Variants in HTR2C observed in about 807,000 individuals in gnomAD.
HTR2C encodes 5-hydroxytryptamine receptor 2C, also known as 5-hydroxytryptamine (serotonin) receptor 2C, G protein-coupled.
A neutral mutation model predicts 21.0 loss-of-function variants in HTR2C; 5 were observed. The ratio of observed to expected loss-of-function variants is 0.24; its 90% CI spans 0.12 to 0.50. The LOEUF (loss-of-function observed/expected upper bound fraction) is 0.50, where lower values mean the gene tolerates loss of function less well. HTR2C is among the 20% of genes least tolerant of loss of function. The pLI, the probability that HTR2C is intolerant of heterozygous loss-of-function variation, is 0.98. For missense variants in HTR2C, 271 were observed against 371.2 expected (o/e 0.73, Z 2.22); for synonymous variants, 150 against 145.3 (o/e 1.03, Z -0.23).
intron 2 of HTR2C, among the ~76,000 whole-genome samples, chrX:114,636,375 A>G (rs1556405230): frequency 9.0e-6 from 1 of 111,683 alleles, no homozygotes; most frequent in Non-Finnish European, 1.9e-5. Context: ...ATCACTTTTG[A>G]TAATACACAC....
chrX:114,852,785 G>GTCCTT (rs2070929255), intron 5 of HTR2C, among the ~76,000 whole-genome samples: 2 of 109,750 alleles, frequency 1.8e-5, no homozygotes, highest in Non-Finnish European at 3.8e-5. Flanking sequence ...GTGTGTGTGT[G>GTCCTT]TGTGTGTCCT....
At chrX:114,772,803 T>G (rs2070018791) in intron 4 of HTR2C, among the ~76,000 whole-genome samples, 2 of 111,390 alleles carry the variant, frequency 1.8e-5, no homozygotes, top group Admixed American at 1.9e-4. Flanking sequence ...TAATGTAACT[T>G]GGATTTACTT....
intron 4 of HTR2C, among the ~76,000 whole-genome samples, chrX:114,792,616 A>G (rs1365395613): frequency 7.1e-5 from 8 of 111,911 alleles, no homozygotes; most frequent in African/African-American, 1.3e-4. Flanking sequence ...AATGATTTAT[A>G]TTCCCTTGGG....
At chrX:114,784,026 G>A (rs2070146525) in intron 4 of HTR2C, among the ~76,000 whole-genome samples, 1 of 109,317 alleles carries the variant, frequency 9.1e-6, no homozygotes, top group African/African-American at 3.3e-5. Flanking sequence ...ATTAGGAATT[G>A]CAGACTAAAT....
At chrX:114,681,762 G>A (rs1424213120) in intron 2 of HTR2C, among the ~76,000 whole-genome samples, 2 of 111,290 alleles carry the variant, frequency 1.8e-5, no homozygotes, top group African/African-American at 6.5e-5. Flanking sequence ...GTGAACTTAT[G>A]CTGAAAAAGA....
At chrX:114,671,385 A>T (rs2147848812) in intron 2 of HTR2C, among the ~76,000 whole-genome samples, 1 of 112,327 alleles carries the variant, frequency 8.9e-6, no homozygotes, top group South Asian at 3.7e-4. Context: ...TCTCCAGATT[A>T]CGTGAAAATT....
chrX:114,738,572 G>C lies in HTR2C; in HGVS notation c.349+6965G>C, dbSNP rs370070895. ...AAACACCACATGTTCTCACTCATAA[G>C]TGGGAGTTGAACAATGAGAACACAT... On this transcript the variant is annotated intron_variant, in intron 4 of 5. Coordinates refer to ENST00000276198, the MANE Select transcript of HTR2C (RefSeq NM_000868.4). Among the ~76,000 whole-genome samples, 63 of 109,640 alleles carry C rather than the reference G, an allele frequency of 5.7e-4. No individual in the cohort carries two copies. The East Asian group carries it at 0.012, about 21-fold the overall frequency.
chrX:114,665,948 G>A (rs782512503), intron 2 of HTR2C, among the ~76,000 whole-genome samples: 1 of 111,698 alleles, frequency 9.0e-6, no homozygotes, highest in Non-Finnish European at 1.9e-5. Flanking sequence ...TTTTTCGCAG[G>A]TATACCCTTG....
chrX:114,662,664 C>A (rs1931033044), intron 2 of HTR2C, among the ~76,000 whole-genome samples: 1 of 111,584 alleles, frequency 9.0e-6, no homozygotes, highest in South Asian at 3.7e-4. Context: ...TTAAAGGGAC[C>A]AATAACTTCT....
intron 2 of HTR2C, among the ~76,000 whole-genome samples, chrX:114,679,601 C>T (rs1375188302): frequency 9.0e-6 from 1 of 111,265 alleles, no homozygotes; most frequent in Non-Finnish European, 1.9e-5. Flanking sequence ...TTTTTAAAAG[C>T]GAAGATGACC....
intron 4 of HTR2C, among the ~76,000 whole-genome samples, chrX:114,800,491 G>A (rs868914829): frequency 9.0e-6 from 1 of 111,004 alleles, no homozygotes; most frequent in Non-Finnish European, 1.9e-5. Flanking sequence ...GAAGTAACTC[G>A]TGGCATCAGA....
intron 2 of HTR2C, among the ~76,000 whole-genome samples, chrX:114,698,106 G>A (rs1411173820): frequency 1.8e-5 from 2 of 112,146 alleles, no homozygotes; most frequent in Non-Finnish European, 3.8e-5. Flanking sequence ...TTCTTCTAAC[G>A]AGGCCCTTTC....
At chrX:114,657,721 T>C (rs1391530847) in intron 2 of HTR2C, among the ~76,000 whole-genome samples, 1 of 111,575 alleles carries the variant, frequency 9.0e-6, no homozygotes, top group Non-Finnish European at 1.9e-5. Flanking sequence ...TTTATTATGC[T>C]TTAAGTTTTA....
chrX:114,717,948 T>G (rs1306172111), intron 2 of HTR2C, among the ~76,000 whole-genome samples: 2 of 111,874 alleles, frequency 1.8e-5, no homozygotes, highest in Non-Finnish European at 3.8e-5. Flanking sequence ...AAATTTGCCT[T>G]TAGTATTAAT....
chrX:114,856,706 A>C lies in HTR2C; in HGVS notation c.550+8503A>C, dbSNP rs940060290. 2.7e-5 allele frequency among the ~76,000 whole-genome samples: 3 copies of C among 111,405 alleles called. No individual in the cohort carries two copies. The Admixed American group carries it at 2.9e-4, about 11-fold the overall frequency. On this transcript the variant is annotated intron_variant, in intron 5 of 5. Coordinates refer to ENST00000276198, the MANE Select transcript of HTR2C (RefSeq NM_000868.4). Reference sequence around the variant, plus strand: ...GGTTGTTAAGAAGATGTGTACCCACATGTTGAGATTTAATAAAATTAATAT... The same window carrying C: ...GGTTGTTAAGAAGATGTGTACCCACCTGTTGAGATTTAATAAAATTAATAT...
chrX:114,836,761 A>G (rs1442490239), intron 4 of HTR2C, among the ~76,000 whole-genome samples: 3 of 112,133 alleles, frequency 2.7e-5, no homozygotes, highest in African/African-American at 9.8e-5. Context: ...ATGTCATTTT[A>G]TCATTGTATG....
intron 4 of HTR2C, among the ~76,000 whole-genome samples, chrX:114,760,292 G>A (rs1264060527): frequency 9.0e-6 from 1 of 111,087 alleles, no homozygotes; most frequent in Non-Finnish European, 1.9e-5. Flanking sequence ...AGTTTCTATA[G>A]CCTTCTTTTT....
intron 4 of HTR2C, among the ~76,000 whole-genome samples, chrX:114,811,903 T>A (rs1730046222): frequency 8.9e-6 from 1 of 112,025 alleles, no homozygotes; most frequent in Admixed American, 9.5e-5. Context: ...ACGTTTTTCC[T>A]ACTGTGCTAT....
chrX:114,763,801 C>T (rs1022684541), intron 4 of HTR2C, among the ~76,000 whole-genome samples: 1 of 110,619 alleles, frequency 9.0e-6, no homozygotes, highest in Non-Finnish European at 1.9e-5. Flanking sequence ...TGGAAATTCC[C>T]AGGCCCACAT....
Sources: gnomAD v4.1 joint callset for allele counts (sites outside exome capture counted in the v4.1 genomes callset) on GRCh38, gnomAD v4.1.1 for gene constraint, MANE v1.5 for transcripts, NCBI Gene and HGNC (gene_info 2026-07-23, HGNC 2026-07-21) for gene names.